The following DAB1 variants were observed in gnomAD, a reference collection of about 807,000 sequenced individuals.
DAB1 encodes DAB adaptor protein 1.
In DAB1, 15 loss-of-function variants were observed where a neutral mutation model predicts 64.6. The observed-to-expected ratio is 0.23, with a 90% CI of 0.16 to 0.36. The LOEUF (loss-of-function observed/expected upper bound fraction) is 0.36, where lower values mean the gene tolerates loss of function less well. DAB1 is among the 10% of genes least tolerant of loss of function. The probability of loss-of-function intolerance (pLI) is 1.00; values close to 1 mark genes in which losing one functional copy is unlikely to be tolerated. For missense variants in DAB1, 596 were observed against 706.7 expected, an observed-to-expected ratio of 0.84 and a Z score of 1.78; for synonymous variants, 235 against 251.9, an observed-to-expected ratio of 0.93 and a Z score of 0.64.
intron 1 of DAB1, among the ~76,000 whole-genome samples, chr1:57,329,323 C>G (rs1374476677): frequency 6.6e-6 from 1 of 152,228 alleles, no homozygotes; most frequent in East Asian, 1.9e-4. Flanking sequence ...GAACTCCGTA[C>G]TGTGTCCCAT....
rs56324635 is a variant in DAB1 at position 57,991,845 on chromosome 1, C to CAAAAA, written n.388-107688_388-107684dup. 2.5e-3 allele frequency among the ~76,000 whole-genome samples: 149 copies of CAAAAA among 59,818 alleles called. 6 individuals are homozygous for CAAAAA. The highest frequency in any genetic ancestry group is 5.6e-3 in the East Asian group (9 of 1,604). The allele number at this position is 59,818 out of a possible 152,430, so 39.2% of individuals were successfully genotyped here. A position where few individuals can be genotyped will look rare whatever the true frequency, so the allele number is the denominator to read the frequency against. ...TGGGCAACAGATTGAGGCTCTGTCT[C>CAAAAA]AAAAAAAAAAAAAAAAAAAAAAAAG... On this transcript the variant is annotated intron_variant and non_coding_transcript_variant, in intron 5 of 20. Coordinates refer to the DAB1 transcript ENST00000485760.
intron 3 of DAB1, among the ~76,000 whole-genome samples, chr1:58,455,101 C>T (rs1645180607): frequency 6.6e-6 from 1 of 152,250 alleles, no homozygotes; most frequent in Non-Finnish European, 1.5e-5. Flanking sequence ...AGCAGCCGCT[C>T]TGAGTGAGAG....
At chr1:58,112,310 T>C (rs1311592861) in intron 5 of DAB1, among the ~76,000 whole-genome samples, 1 of 152,234 alleles carries the variant, frequency 6.6e-6, no homozygotes, top group African/African-American at 2.4e-5. Flanking sequence ...GCAATGACCT[T>C]GTTTGCCTTG....
At chr1:57,792,270 T>G (rs973084558) in intron 6 of DAB1, among the ~76,000 whole-genome samples, 1 of 152,230 alleles carries the variant, frequency 6.6e-6, no homozygotes. Context: ...CCTATTATCT[T>G]CAATGCCTTT....
chr1:57,470,455 A>T (rs962489129), intron 7 of DAB1, among the ~76,000 whole-genome samples: 1 of 152,194 alleles, frequency 6.6e-6, no homozygotes, highest in Non-Finnish European at 1.5e-5. Flanking sequence ...CCACTATATC[A>T]CAACACAATT....
chr1:58,461,641 A>G lies in DAB1; in HGVS notation n.257+44419T>C, dbSNP rs1014549102. ...AAAAGGGTCAGAAAGGTACATACAC[A>G]TCAAAGGATATGGAGCCAGCAAGTG... On this transcript the variant is annotated intron_variant and non_coding_transcript_variant, in intron 3 of 20. Transcript: ENST00000485760. 5.3e-5 allele frequency among the ~76,000 whole-genome samples: 8 copies of G among 152,204 alleles called. No individual in the cohort carries two copies. In the South Asian group the frequency reaches 8.3e-4, roughly 16 times the overall value.
chr1:57,504,807 C>T (rs543778752), intron 7 of DAB1, among the ~76,000 whole-genome samples: 20 of 152,302 alleles, frequency 1.3e-4, no homozygotes, highest in African/African-American at 4.8e-4. Context: ...GAACATTGTC[C>T]TTTGCTTTTG....
upstream of DAB1, among the ~76,000 whole-genome samples, chr1:57,427,031 T>A (rs1685318158): frequency 6.6e-6 from 1 of 151,636 alleles, no homozygotes; most frequent in South Asian, 2.1e-4. Context: ...TCCCGGCTAA[T>A]TTTTTGTATT....
intron 4 of DAB1, among the ~76,000 whole-genome samples, chr1:57,090,659 C>G (rs558162636): frequency 1.3e-5 from 2 of 152,098 alleles, no homozygotes; most frequent in Non-Finnish European, 2.9e-5. Context: ...GGGCTAGATC[C>G]GAATTCCTAT....
chr1:57,033,671 T>C (rs1192893017), intron 9 of DAB1: 8 of 1,219,170 alleles, frequency 6.6e-6, no homozygotes, highest in Non-Finnish European at 9.5e-6. Context: ...GGTTCACACT[T>C]CCGTGGTCTC....
chr1:57,688,640 C>T (rs1646728447), intron 6 of DAB1, among the ~76,000 whole-genome samples: 1 of 152,080 alleles, frequency 6.6e-6, no homozygotes, highest in African/African-American at 2.4e-5. Flanking sequence ...GTGCTATTCA[C>T]ATTAGCAAAG....
intron 7 of DAB1, among the ~76,000 whole-genome samples, chr1:57,538,984 C>T (rs902120304): frequency 1.2e-4 from 18 of 152,324 alleles, no homozygotes; most frequent in African/African-American, 4.1e-4. Context: ...TTCAAAATTG[C>T]AGCCTTAGCA....
intron 14 of DAB1, among the ~76,000 whole-genome samples, chr1:57,006,198 A>G (rs911801087): frequency 6.6e-6 from 1 of 152,174 alleles, no homozygotes. Flanking sequence ...CACTACTCCA[A>G]TGGCTGAAAC....
In DAB1 at chr1:57,017,389, C is replaced by T. The variant is rs189211052; in HGVS notation, c.896-1958G>A. ...CCAAAGGGACAATGGGTGGGCGTTA[C>T]GGCATTGATGACATTATGAGTCATC... On this transcript the variant is annotated intron_variant, in intron 11 of 14. Coordinates refer to ENST00000371236, the MANE Select transcript of DAB1 (RefSeq NM_001365792.1). 4.7e-3 allele frequency among the ~76,000 whole-genome samples: 720 copies of T among 152,244 alleles called. 3 individuals are homozygous for T. The highest frequency in any genetic ancestry group is 8.5e-3 in the Non-Finnish European group (581 of 68,022).
chr1:57,084,642 C>G (rs546750287), intron 4 of DAB1, among the ~76,000 whole-genome samples: 1 of 152,162 alleles, frequency 6.6e-6, no homozygotes, highest in South Asian at 2.1e-4. Context: ...TCTCAGTGAG[C>G]CTTAATTTTT....
chr1:57,149,674 A>T (rs1659475882), intron 2 of DAB1, among the ~76,000 whole-genome samples: 1 of 152,084 alleles, frequency 6.6e-6, no homozygotes, highest in East Asian at 1.9e-4. Flanking sequence ...CTCAGTTTGA[A>T]CCCAGGTCTT....
chr1:57,306,511 G>A (rs1054662711), intron 1 of DAB1, among the ~76,000 whole-genome samples: 1 of 144,440 alleles, frequency 6.9e-6, no homozygotes, highest in Non-Finnish European at 1.5e-5. Flanking sequence ...TCTTAGAACA[G>A]GCTTTTTTTT....
intron 7 of DAB1, among the ~76,000 whole-genome samples, chr1:57,601,888 A>C (rs12083995): frequency 0.43 from 65,941 of 151,954 alleles, 16,297 homozygotes; most frequent in Non-Finnish European, 0.55. Flanking sequence ...AAAGAAAATG[A>C]ACCATGTGTC....
intron 7 of DAB1, among the ~76,000 whole-genome samples, chr1:57,536,075 C>T (rs1284868435): frequency 6.6e-6 from 1 of 152,178 alleles, no homozygotes; most frequent in Non-Finnish European, 1.5e-5. Context: ...TGTTTGCAAA[C>T]AGCTAGGCCT....
Sources: allele counts gnomAD v4.1 joint callset (sites outside exome capture counted in the v4.1 genomes callset), GRCh38; gene constraint gnomAD v4.1.1; transcripts MANE v1.5; gene names NCBI Gene and HGNC (gene_info 2026-07-23, HGNC 2026-07-21).